GEN1: variants seen among roughly 807,000 people sequenced by gnomAD.
The protein encoded by GEN1 is GEN1 structure-specific endonuclease, also known as flap endonuclease GEN homolog 1.
In GEN1, 64 loss-of-function variants were observed where a neutral mutation model predicts 67.6. That is an observed-to-expected ratio of 0.95 (90% CI 0.77 to 1.17). The LOEUF (loss-of-function observed/expected upper bound fraction) is 1.17. Among genes scored for constraint, GEN1 ranks in the 50% most tolerant of loss-of-function variants. GEN1 has a pLI of 0.00. For synonymous variants in GEN1, 371 were observed against 359.4 expected, an observed-to-expected ratio of 1.03 and a Z score of -0.37; for missense variants, 1,058 against 1,048.3, an observed-to-expected ratio of 1.01 and a Z score of -0.13.
At chr2:17,777,741 TAAAAC>T (rs1297539621) in intron 11 of GEN1, among the ~76,000 whole-genome samples, 1 of 152,128 alleles carries the variant, frequency 6.6e-6, no homozygotes, top group Non-Finnish European at 1.5e-5. Flanking sequence ...TAACAAATTT[TAAAAC>T]AAAAATCATT....
At chr2:17,769,819 T>G (rs911835452) in intron 6 of GEN1, among the ~76,000 whole-genome samples, 1 of 152,124 alleles carries the variant, frequency 6.6e-6, no homozygotes, top group Admixed American at 6.5e-5. Context: ...ATATTAATGA[T>G]GATAGGTATA....
chr2:17,766,993 T>C (rs939080133), intron 5 of GEN1, among the ~76,000 whole-genome samples: 25 of 152,204 alleles, frequency 1.6e-4, no homozygotes, highest in African/African-American at 6.0e-4. Flanking sequence ...TTTAAATAAA[T>C]ATAGGAGTTA....
In GEN1 at chr2:17,785,013, C is replaced by G. The variant is rs933524549; in HGVS notation, c.*3074C>G. ...GCCTGAGCTCTGCCTCCTGTCAGAT[C>G]AGCGGTGGCATTAGAGTCTCATAGG... On this transcript the variant is annotated 3_prime_UTR_variant, in exon 14 of 14. Transcript: ENST00000381254. The G allele has an allele frequency of 2.0e-5, 3 of 152,208 alleles. No individual in the cohort carries two copies. The highest frequency in any genetic ancestry group is 7.2e-5 in the African/African-American group (3 of 41,416). 9.4% of individuals were successfully genotyped at this position (152,208 alleles called of 1,614,324 possible).
rs1023290414 is a variant in GEN1, at chr2:17,774,298, C to G, written c.1099C>G (p.Pro367Ala). ...ATTTACTCTTGAAAAAATGGAGTGG[C>G]CCAATCACTATGCATGTGAGAAATT... ...QRFTLEKMEW[P>A]NHYACEKLLV... The change falls in exon 11 of 14, where the codon CCC becomes GCC. Residue 367 changes from proline to alanine, a missense_variant. Coordinates refer to ENST00000381254, the MANE Select transcript of GEN1 (RefSeq NM_001130009.3). The G allele has an allele frequency of 6.3e-7, 1 of 1,582,272 alleles. No individual in the cohort carries two copies. The highest frequency in any genetic ancestry group is 8.6e-7 in the Non-Finnish European group (1 of 1,157,226).
Position 17,783,069 on chromosome 2 carries a change from T to G in GEN1, c.*1130T>G, listed in dbSNP as rs568403516. 2.0e-5 allele frequency: 3 copies of G among 151,184 alleles called. No homozygotes were observed. Among genetic ancestry groups the G allele is most frequent in the Admixed American group, 6.6e-5 (1 of 15,108 alleles). 9.4% of individuals were successfully genotyped at this position (151,184 alleles called of 1,614,324 possible). ...ATTGCATTTTGTTTTTGTTTGTTTG[T>G]TTTTTTTTGAGACAGAGTCTCACTC... is the stretch of plus-strand genomic sequence containing the variant. On this transcript the variant is annotated 3_prime_UTR_variant, in exon 14 of 14. Coordinates refer to ENST00000381254, the MANE Select transcript of GEN1 (RefSeq NM_001130009.3).
rs150586336 is a variant in GEN1, at chr2:17,780,738, C to G, written c.1526C>G (p.Ser509Trp). ...IFHKQNSKLN[S>W]GISPDPTLPQ... The stretch of plus-strand genomic sequence containing the variant: ...CATAAGCAGAATTCCAAGTTAAATT[C>G]GGGGATTTCCCCTGATCCTACATTA... The change falls in exon 14 of 14, where the codon TCG becomes TGG. Residue 509 changes from serine (S) to tryptophan (W), a missense_variant. Physicochemically the swap from Ser to Trp is radical, Grantham distance 177. Transcript: ENST00000381254. 3,936 of 1,613,856 alleles carry G rather than the reference C, an allele frequency of 2.4e-3. 7 individuals are homozygous for G. Among genetic ancestry groups the G allele is most frequent in the Non-Finnish European group, 3.2e-3 (3,749 of 1,179,838 alleles).
At position 17,779,985 on chromosome 2, in the gene GEN1, T is replaced by C. The variant is rs750814129; in HGVS notation, c.1272T>C (p.Tyr424=). The change falls in exon 13 of 14, where the codon TAT becomes TAC. Residue 424 remains tyrosine, a synonymous_variant. Coordinates refer to ENST00000381254, the MANE Select transcript of GEN1 (RefSeq NM_001130009.3). Reference sequence around the variant, plus strand: ...GTATTTTTAATCTTTTAGAACATTATGCTATGGAAGATAAACAACATGGAG... The same window carrying C: ...GTATTTTTAATCTTTTAGAACATTACGCTATGGAAGATAAACAACATGGAG... ...FEIEWEKPEH[Y]AMEDKQHGEF... The C allele has an allele frequency of 5.7e-5, 91 of 1,601,076 alleles. No homozygotes were observed. Among genetic ancestry groups the C allele is most frequent in the Middle Eastern group, 1.7e-4 (1 of 6,034 alleles).
At chr2:17,767,486 C>T (rs999387273) in intron 5 of GEN1, among the ~76,000 whole-genome samples, 3 of 152,002 alleles carry the variant, frequency 2.0e-5, no homozygotes, top group African/African-American at 7.2e-5. Context: ...ATTATTAAGC[C>T]TAATTTGTAA....
rs989209071 is a variant in GEN1, at chr2:17,782,489, T to G, written c.*550T>G. ...GTTATATTCTCCCTCAGTTTGAAGA[T>G]ACCTTTAGTGTGCTCTTCCACTTTT... On this transcript the variant is annotated 3_prime_UTR_variant, in exon 14 of 14. Coordinates refer to ENST00000381254, the MANE Select transcript of GEN1 (RefSeq NM_001130009.3). 6.6e-6 allele frequency: 1 copy of G among 152,226 alleles called. No individual in the cohort carries two copies. Among genetic ancestry groups the G allele is most frequent in the Non-Finnish European group, 1.5e-5 (1 of 68,052 alleles). 9.4% of individuals were successfully genotyped at this position (152,226 alleles called of 1,614,324 possible).
chr2:17,766,994 A>G (rs577021860), intron 5 of GEN1, among the ~76,000 whole-genome samples: 10 of 152,322 alleles, frequency 6.6e-5, no homozygotes, highest in Admixed American at 3.3e-4. Context: ...TTAAATAAAT[A>G]TAGGAGTTAT....
At position 17,761,569 on chromosome 2, in the gene GEN1, C is replaced by T; in HGVS notation, c.335C>T (p.Ser112Leu). The T allele has an allele frequency of 6.2e-7, 1 of 1,609,224 alleles. No homozygotes were observed. Residue 112 changes from serine to leucine, a missense_variant, in exon 3 of 14, where the codon TCA becomes TTA. By Grantham distance (145) the Ser-to-Leu change is moderately radical. Transcript: ENST00000381254. ...SQKTGRSHFKSVLRECLHMLE... is the reference protein window; with the variant it reads ...SQKTGRSHFKLVLRECLHMLE... ...AAAACAGGGAGATCACATTTTAAAT[C>T]AGTCTTAAGAGAGGTGAGCATTCAG...
intron 9 of GEN1, 38 bp from the exon 10 acceptor site, chr2:17,773,181 G>A (rs756546882): frequency 3.2e-6 from 5 of 1,555,980 alleles, no homozygotes; most frequent in Non-Finnish European, 4.4e-6. Context: ...TTTCTTAAAA[G>A]TTTAAATCTC....
upstream of GEN1, chr2:17,753,770 G>A (rs1671232653): frequency 6.6e-6 from 1 of 152,266 alleles, no homozygotes; most frequent in Admixed American, 6.5e-5. Flanking sequence ...GCAGGAGAAG[G>A]TAGATTCCCG....
rs752416254 is a variant in GEN1, at chr2:17,764,899, C to T, written c.351C>T (p.Cys117=). 2 of 1,610,282 alleles carry T rather than the reference C, an allele frequency of 1.2e-6. No homozygotes were observed. The highest frequency in any genetic ancestry group is 1.7e-5 in the Admixed American group (1 of 58,748). Residue 117 remains cysteine (C), a splice_region_variant and synonymous_variant, in exon 4 of 14, where the codon TGC becomes TGT. Transcript: ENST00000381254. ...TTGCACCTGCTTTTTGTTTTCAGTGCCTCCATATGCTCGAATGCTTAGGAA... is the reference window on the plus strand; with the variant it reads ...TTGCACCTGCTTTTTGTTTTCAGTGTCTCCATATGCTCGAATGCTTAGGAA... ...RSHFKSVLRE[C]LHMLECLGIP...
chr2:17,773,523 A>G (rs1430483572), intron 10 of GEN1, among the ~76,000 whole-genome samples: 3 of 152,102 alleles, frequency 2.0e-5, no homozygotes, highest in Admixed American at 6.6e-5. Context: ...CTTAATTAGC[A>G]TATGTGGATA....
intron 6 of GEN1, chr2:17,770,952 T>C: frequency 2.1e-6 from 1 of 466,434 alleles, no homozygotes; most frequent in Non-Finnish European, 4.0e-6. Flanking sequence ...GAGATACCGA[T>C]ATATAGATAC....
At position 17,786,265 on chromosome 2, in the gene GEN1, TCAAACTGAATG is replaced by T. The variant is rs1444652792; in HGVS notation, c.*4329_*4339del. The T allele has an allele frequency of 6.6e-6, 1 of 152,210 alleles. No homozygotes were observed. Among genetic ancestry groups the T allele is most frequent in the Non-Finnish European group, 1.5e-5 (1 of 68,040 alleles). 9.4% of individuals were successfully genotyped at this position (152,210 alleles called of 1,614,324 possible). A position where few individuals can be genotyped will look rare whatever the true frequency, so the allele number is the denominator to read the frequency against. On this transcript the variant is annotated 3_prime_UTR_variant, in exon 14 of 14. Transcript: ENST00000381254. ...GAAAGAGCACTATCAGATTTTGGAT[TCAAACTGAATG>T]CAGCCAAGCACTGCCTTTTGGTAAA... is the stretch of plus-strand genomic sequence containing the variant.
At chr2:17,757,285 A>G (rs1671474058) in intron 1 of GEN1, among the ~76,000 whole-genome samples, 1 of 150,348 alleles carries the variant, frequency 6.7e-6, no homozygotes, top group Non-Finnish European at 1.5e-5. Flanking sequence ...CCCCCTGTTA[A>G]TAATATATTT....
At chr2:17,762,472 G>T (rs1190950212) in intron 3 of GEN1, among the ~76,000 whole-genome samples, 3 of 152,018 alleles carry the variant, frequency 2.0e-5, no homozygotes, top group East Asian at 3.8e-4. Flanking sequence ...CTCCTGAAGT[G>T]CTGGGATTAC....
Sources: allele counts gnomAD v4.1 joint callset (sites outside exome capture counted in the v4.1 genomes callset), GRCh38; gene constraint gnomAD v4.1.1; transcripts MANE v1.5; gene names NCBI Gene and HGNC (gene_info 2026-07-23, HGNC 2026-07-21).